The following XKR6 variants were observed in gnomAD, a reference collection of about 807,000 sequenced individuals.
XKR6 encodes XK-related protein 6.
A neutral mutation model predicts 56.7 loss-of-function variants in XKR6; 22 were observed. The observed-to-expected ratio is 0.39, with a 90% CI of 0.28 to 0.55. The LOEUF is 0.55. Ranked by LOEUF, XKR6 falls within the 20% of genes least tolerant of loss-of-function variation. The pLI, the probability that XKR6 is intolerant of heterozygous loss-of-function variation, is 0.66. For synonymous variants in XKR6, 524 were observed against 387.8 expected (o/e 1.35, Z -4.13); for missense variants, 852 against 889.0 (o/e 0.96, Z 0.53).
chr8:11,200,432 T>C lies in XKR6; in HGVS notation c.764+144A>G, dbSNP rs1585049005. ...GGATCCAGATCAAACGCCGGTCTTTTGGAGACGCCAGGGGCGGCGCGCGGC... is the reference window on the plus strand; with the variant it reads ...GGATCCAGATCAAACGCCGGTCTTTCGGAGACGCCAGGGGCGGCGCGCGGC... On this transcript the variant is annotated intron_variant, in intron 1 of 2. Transcript: ENST00000416569. This position sits in a 1 kb window ranked among gnomAD's most constrained non-coding sequence, Gnocchi z 6.4. The C allele has an allele frequency of 3.5e-6, 4 of 1,137,844 alleles. No homozygotes were observed. The highest frequency in any genetic ancestry group is 6.4e-5 in the East Asian group (2 of 31,104). 70.5% of individuals were successfully genotyped at this position (1,137,844 alleles called of 1,614,324 possible). A position where few individuals can be genotyped will look rare whatever the true frequency, so the allele number is the denominator to read the frequency against.
chr8:11,170,783 C>T (rs1802326648), intron 1 of XKR6, among the ~76,000 whole-genome samples: 1 of 152,176 alleles, frequency 6.6e-6, no homozygotes, highest in Non-Finnish European at 1.5e-5. Context: ...AGCAAAATCT[C>T]AGGGGGCGCA....
chr8:10,992,663 C>T (rs1253360423), intron 1 of XKR6, among the ~76,000 whole-genome samples: 8 of 114,986 alleles, frequency 7.0e-5, no homozygotes, highest in African/African-American at 1.9e-4. Flanking sequence ...AGATCCCCCT[C>T]TCACCATTGA....
chr8:11,043,758 A>C (rs1799342398), intron 1 of XKR6, among the ~76,000 whole-genome samples: 1 of 152,246 alleles, frequency 6.6e-6, no homozygotes, highest in Admixed American at 6.5e-5. Flanking sequence ...AGGAGGTTGG[A>C]TGCACCTCAT....
intron 2 of XKR6, among the ~76,000 whole-genome samples, chr8:10,915,421 C>G (rs1800532780): frequency 6.6e-6 from 1 of 152,240 alleles, no homozygotes; most frequent in Admixed American, 6.5e-5. Flanking sequence ...TCCAGCATTT[C>G]ATGTGCAAAC....
chr8:11,163,413 T>G (rs947153283), intron 1 of XKR6, among the ~76,000 whole-genome samples: 1 of 152,196 alleles, frequency 6.6e-6, no homozygotes, highest in Non-Finnish European at 1.5e-5. Context: ...GTCACCATTA[T>G]CATTTCCCAA....
intron 1 of XKR6, among the ~76,000 whole-genome samples, chr8:11,160,680 C>T (rs369155116): frequency 1.3e-5 from 2 of 152,108 alleles, no homozygotes; most frequent in African/African-American, 4.8e-5. Context: ...AAGGCCAAGG[C>T]GGGTGGATCC....
chr8:11,167,311 G>C (rs974043216), intron 1 of XKR6, among the ~76,000 whole-genome samples: 13 of 152,212 alleles, frequency 8.5e-5, no homozygotes, highest in Admixed American at 2.6e-4. Flanking sequence ...TCTCCTCCCA[G>C]TGTGATGGCA....
chr8:10,999,655 T>C (rs1798194566), intron 1 of XKR6, among the ~76,000 whole-genome samples: 1 of 152,224 alleles, frequency 6.6e-6, no homozygotes, highest in African/African-American at 2.4e-5. Context: ...AAAAAGGATG[T>C]TCTGCAGATG....
chr8:11,112,921 T>C (rs1186069926), intron 1 of XKR6, among the ~76,000 whole-genome samples: 3 of 152,202 alleles, frequency 2.0e-5, no homozygotes, highest in Non-Finnish European at 4.4e-5. Flanking sequence ...GATTAAGCAG[T>C]AAGAAAATAC....
chr8:11,154,848 T>A (rs1224029191), intron 1 of XKR6, among the ~76,000 whole-genome samples: 2 of 152,196 alleles, frequency 1.3e-5, no homozygotes, highest in Non-Finnish European at 2.9e-5. Context: ...ATTGACTGCC[T>A]CTACCCTCTT....
intron 1 of XKR6, among the ~76,000 whole-genome samples, chr8:11,125,268 T>C (rs1320581901): frequency 6.6e-6 from 1 of 152,042 alleles, no homozygotes; most frequent in Admixed American, 6.6e-5. Flanking sequence ...CTGCTCTTCC[T>C]GCAAGAGGGG....
At chr8:11,070,826 A>G (rs1372988802) in intron 1 of XKR6, among the ~76,000 whole-genome samples, 4 of 152,234 alleles carry the variant, frequency 2.6e-5, no homozygotes, top group Non-Finnish European at 5.9e-5. Flanking sequence ...AGCTTACTGG[A>G]AAACCAAGGA....
At chr8:11,151,098 T>G (rs1051931558) in intron 1 of XKR6, among the ~76,000 whole-genome samples, 4 of 152,136 alleles carry the variant, frequency 2.6e-5, no homozygotes, top group Non-Finnish European at 4.4e-5. Flanking sequence ...ATGTGCCCCT[T>G]TTACCACATT....
intron 2 of XKR6, among the ~76,000 whole-genome samples, chr8:10,907,880 T>A (rs1241455785): frequency 6.6e-6 from 1 of 152,214 alleles, no homozygotes; most frequent in Non-Finnish European, 1.5e-5. Context: ...ACACTTCTGT[T>A]CCATCTCTCT....
intron 1 of XKR6, among the ~76,000 whole-genome samples, chr8:11,178,208 A>T (rs999186192): frequency 2.6e-5 from 4 of 152,194 alleles, no homozygotes; most frequent in African/African-American, 9.7e-5. Flanking sequence ...CATTCCAGTC[A>T]AACTAGTCAT....
intron 1 of XKR6, among the ~76,000 whole-genome samples, chr8:11,097,636 C>A (rs1450035549): frequency 6.6e-6 from 1 of 151,520 alleles, no homozygotes; most frequent in African/African-American, 2.4e-5. Flanking sequence ...GGTGAAACCC[C>A]ATCTCTACTA....
chr8:11,117,036 T>C (rs536856396), intron 1 of XKR6, among the ~76,000 whole-genome samples: 157 of 152,330 alleles, frequency 1.0e-3, no homozygotes, highest in African/African-American at 3.6e-3. Flanking sequence ...TTTAATAGGA[T>C]TGATGAATTC....
chr8:11,021,431 C>G (rs910025477), intron 1 of XKR6, among the ~76,000 whole-genome samples: 33 of 152,218 alleles, frequency 2.2e-4, no homozygotes, highest in Non-Finnish European at 2.9e-4. Context: ...AACCCATGGA[C>G]AGAGACACTG....
At chr8:10,915,941 T>G (rs1293554617) in intron 2 of XKR6, among the ~76,000 whole-genome samples, 1 of 152,232 alleles carries the variant, frequency 6.6e-6, no homozygotes, top group African/African-American at 2.4e-5. Flanking sequence ...CCTCTTTCCC[T>G]TGATTTAATT....
Sources: allele counts gnomAD v4.1 joint callset (sites outside exome capture counted in the v4.1 genomes callset), GRCh38; gene constraint gnomAD v4.1.1; non-coding constraint Gnocchi (gnomAD v3.1); transcripts MANE v1.5; gene names NCBI Gene and HGNC (gene_info 2026-07-23, HGNC 2026-07-21).